CIMAP2: variants seen among roughly 807,000 people sequenced by gnomAD.
CIMAP2 encodes the protein ciliary microtubule-associated protein 2.
At chr1:54,813,929 C>T in the CIMAP2 span, 1 of 1,613,284 alleles carries the variant, frequency 6.2e-7, no homozygotes, top group Non-Finnish European at 8.5e-7. Context: ...AAAACCCCTA[C>T]AGAGAGGATT....
the CIMAP2 span, among the ~76,000 whole-genome samples, chr1:54,840,886 C>T: frequency 2.0e-5 from 3 of 152,136 alleles, no homozygotes. Context: ...AATATTTTTT[C>T]CCAGATATCC....
At chr1:54,816,518 C>A in the CIMAP2 span, among the ~76,000 whole-genome samples, 1 of 152,320 alleles carries the variant, frequency 6.6e-6, no homozygotes, top group East Asian at 1.9e-4. Flanking sequence ...CAGAAATATT[C>A]TCTGACAGTT....
the CIMAP2 span, among the ~76,000 whole-genome samples, chr1:54,837,374 C>T: frequency 6.6e-6 from 1 of 152,106 alleles, no homozygotes; most frequent in Admixed American, 6.5e-5. Context: ...AGGTTAAAGT[C>T]TCCACTTTGG....
chr1:54,822,722 T>A, the CIMAP2 span, among the ~76,000 whole-genome samples: 6 of 152,166 alleles, frequency 3.9e-5, no homozygotes, highest in African/African-American at 1.4e-4. Flanking sequence ...CCCAGGCTGA[T>A]CTTGAACTCC....
chr1:54,811,186 C>T, the CIMAP2 span, among the ~76,000 whole-genome samples: 1 of 152,220 alleles, frequency 6.6e-6, no homozygotes, highest in Non-Finnish European at 1.5e-5. Context: ...GAGCCAGGAT[C>T]TGAACCCAGA....
chr1:54,831,987 C>T, the CIMAP2 span, among the ~76,000 whole-genome samples: 2 of 152,210 alleles, frequency 1.3e-5, no homozygotes, highest in South Asian at 4.1e-4. Flanking sequence ...GCTGGGACTA[C>T]AGGCATGTGC....
chr1:54,815,235 T>C, the CIMAP2 span, among the ~76,000 whole-genome samples: 1 of 152,202 alleles, frequency 6.6e-6, no homozygotes, highest in Non-Finnish European at 1.5e-5. Context: ...GAACTGGTAT[T>C]AGCATCACCT....
chr1:54,841,550 T>C, the CIMAP2 span: 1 of 1,611,186 alleles, frequency 6.2e-7, no homozygotes, highest in Non-Finnish European at 8.5e-7. Context: ...CCTGAAGTTC[T>C]TACAAGCCAA....
chr1:54,807,593 A>T, the CIMAP2 span: 3 of 1,607,904 alleles, frequency 1.9e-6, no homozygotes, highest in Non-Finnish European at 2.5e-6. Context: ...CTGATGAAGG[A>T]GGTGGACACA....
At chr1:54,811,765 G>GGGGGGGGGGGGGGGGGGCCCCC in the CIMAP2 span, 1 of 1,301,332 alleles carries the variant, frequency 7.7e-7, no homozygotes, top group Non-Finnish European at 1.1e-6. Context: ...GGTTCTGACA[G>GGGGGGGGGGGGGGGGGGCCCCC]CCTCCATGCC....
At chr1:54,827,521 G>A in the CIMAP2 span, among the ~76,000 whole-genome samples, 2 of 152,184 alleles carry the variant, frequency 1.3e-5, no homozygotes, top group Admixed American at 6.5e-5. Flanking sequence ...TCAGGCTGGT[G>A]AGAATTATAG....
chr1:54,831,952 TC>T, the CIMAP2 span, among the ~76,000 whole-genome samples: 1 of 152,192 alleles, frequency 6.6e-6, no homozygotes, highest in Admixed American at 6.5e-5. Flanking sequence ...CCTCGAGCAA[TC>T]CTCCCACCTC....
At chr1:54,822,144 C>T in the CIMAP2 span, among the ~76,000 whole-genome samples, 32,816 of 107,916 alleles carry the variant, frequency 0.3, 8,101 homozygotes, top group African/African-American at 0.48. Flanking sequence ...GTGATCCGCC[C>T]GCCTCGGCCT....
chr1:54,811,765 G>GCGGGGGGGGGGGCCCCCCCCCCCC, the CIMAP2 span: 1 of 1,301,322 alleles, frequency 7.7e-7, no homozygotes, highest in Non-Finnish European at 1.1e-6. Flanking sequence ...GGTTCTGACA[G>GCGGGGGGGGGGGCCCCCCCCCCCC]CCTCCATGCC....
chr1:54,820,964 T>C, the CIMAP2 span, among the ~76,000 whole-genome samples: 2 of 152,140 alleles, frequency 1.3e-5, no homozygotes, highest in Non-Finnish European at 2.9e-5. Context: ...AGACGGGGTT[T>C]CACCATGTTG....
At chr1:54,818,631 G>A in the CIMAP2 span, among the ~76,000 whole-genome samples, 7 of 151,758 alleles carry the variant, frequency 4.6e-5, no homozygotes, top group Admixed American at 6.6e-5. Context: ...TCACTCTGAC[G>A]CCCAGCCTGG....
the CIMAP2 span, chr1:54,808,129 C>T: frequency 1.7e-6 from 2 of 1,159,868 alleles, no homozygotes; most frequent in Non-Finnish European, 2.4e-6. Flanking sequence ...GATTAAGCAC[C>T]TCCTAAGTGG....
At chr1:54,811,765 G>GCCGGGGGGGGGGGGCCCCCCCCCCCCC in the CIMAP2 span, 29 of 1,301,262 alleles carry the variant, frequency 2.2e-5, no homozygotes, top group East Asian at 5.0e-5. Context: ...GGTTCTGACA[G>GCCGGGGGGGGGGGGCCCCCCCCCCCCC]CCTCCATGCC....
the CIMAP2 span, among the ~76,000 whole-genome samples, chr1:54,830,315 T>C: frequency 6.6e-6 from 1 of 152,182 alleles, no homozygotes. The surrounding 1 kb of genome is among the most constrained non-coding windows in gnomAD (Gnocchi z 4.1). Context: ...CTTCGCCTCC[T>C]GGGCTCAAGT....
Sources: gnomAD v4.1 joint callset for allele counts (sites outside exome capture counted in the v4.1 genomes callset) on GRCh38, gnomAD v4.1.1 for gene constraint, Gnocchi (gnomAD v3.1) non-coding constraint, MANE v1.5 for transcripts, NCBI Gene and HGNC (gene_info 2026-07-23, HGNC 2026-07-21) for gene names.